Variants in KALRN observed in about 807,000 individuals in gnomAD.
KALRN encodes the protein kalirin.
In KALRN, 70 loss-of-function variants were observed where a neutral mutation model predicts 353.7. That is an observed-to-expected ratio of 0.20 (90% CI 0.16 to 0.24). The LOEUF (loss-of-function observed/expected upper bound fraction) is 0.24. Ranked by LOEUF, KALRN falls within the 10% of genes least tolerant of loss-of-function variation. The probability of loss-of-function intolerance (pLI) is 1.00; values close to 1 mark genes in which losing one functional copy is unlikely to be tolerated. For synonymous variants in KALRN, 1,391 were observed against 1,434.8 expected, an observed-to-expected ratio of 0.97 and a Z score of 0.69; for missense variants, 2,791 against 3,756.7, an observed-to-expected ratio of 0.74 and a Z score of 6.72.
At chr3:124,333,510 G>A (rs1287830360) in intron 8 of KALRN, among the ~76,000 whole-genome samples, 2 of 152,154 alleles carry the variant, frequency 1.3e-5, no homozygotes, top group African/African-American at 4.8e-5. Flanking sequence ...GAAAGAAAGA[G>A]GAGGAGAGGA....
At chr3:124,292,282 G>T (rs1305702107) in intron 5 of KALRN, among the ~76,000 whole-genome samples, 1 of 152,160 alleles carries the variant, frequency 6.6e-6, no homozygotes, top group Non-Finnish European at 1.5e-5. Flanking sequence ...GTTCACAAAG[G>T]ACCTTGCCCT....
At chr3:124,286,963 A>G (rs943570418) in intron 5 of KALRN, among the ~76,000 whole-genome samples, 1 of 152,224 alleles carries the variant, frequency 6.6e-6, no homozygotes, top group African/African-American at 2.4e-5. Flanking sequence ...AATATCTTAA[A>G]GTCTTATTCA....
intron 1 of KALRN, among the ~76,000 whole-genome samples, chr3:124,186,548 T>C (rs2074252074): frequency 6.6e-6 from 1 of 152,232 alleles, no homozygotes; most frequent in Non-Finnish European, 1.5e-5. Context: ...TGAGACCTTG[T>C]CATATATACT....
At chr3:124,082,293 G>C in intron 1 of KALRN, 1 of 471,150 alleles carries the variant, frequency 2.1e-6, no homozygotes, top group Non-Finnish European at 4.4e-6. Context: ...TATCTTTGAT[G>C]TAATCTCCAA....
intron 7 of KALRN, among the ~76,000 whole-genome samples, chr3:124,328,010 A>G (rs1261530141): frequency 1.3e-5 from 2 of 152,248 alleles, no homozygotes; most frequent in African/African-American, 4.8e-5. Flanking sequence ...GAGAGATGGA[A>G]TATGTAAGGT....
At chr3:124,379,751 G>A (rs1162604924) in intron 10 of KALRN, among the ~76,000 whole-genome samples, 1 of 152,218 alleles carries the variant, frequency 6.6e-6, no homozygotes, top group Non-Finnish European at 1.5e-5. Flanking sequence ...CTAGCCTCAG[G>A]TAGTTTCCTC....
intron 34 of KALRN, among the ~76,000 whole-genome samples, chr3:124,605,221 C>T (rs141337834): frequency 0.013 from 2,032 of 150,828 alleles, 42 homozygotes; most frequent in African/African-American, 0.046. Flanking sequence ...TCTGAGATTA[C>T]AGGCATGAGC....
rs982274310 is a variant in KALRN, at chr3:124,201,997, C to T, written c.74-25993C>T. The stretch of plus-strand genomic sequence containing the variant: ...GGCCAGGCTGGGCCAGATGCTGGGG[C>T]GGAGTGGGAAGCACTTCTTGTCACA... On this transcript the variant is annotated intron_variant, in intron 1 of 59. Transcript: ENST00000682506. 4.6e-5 allele frequency among the ~76,000 whole-genome samples: 7 copies of T among 152,132 alleles called. No individual in the cohort carries two copies. The South Asian group carries it at 6.2e-4, about 14-fold the overall frequency.
At chr3:124,308,652 C>T (rs6797486) in intron 6 of KALRN, among the ~76,000 whole-genome samples, 31,109 of 151,570 alleles carry the variant, frequency 0.21, 3,307 homozygotes, top group South Asian at 0.29. Context: ...CCACAACTTA[C>T]GTGATACAGC....
chr3:124,392,806 CTTTAAG>C (rs2089627550), intron 11 of KALRN, among the ~76,000 whole-genome samples: 1 of 150,138 alleles, frequency 6.7e-6, no homozygotes, highest in Non-Finnish European at 1.5e-5. Flanking sequence ...TTTTATTATA[CTTTAAG>C]TTTTAGGGTA....
intron 6 of KALRN, among the ~76,000 whole-genome samples, chr3:124,323,324 G>A (rs1324505672): frequency 2.0e-5 from 3 of 152,126 alleles, no homozygotes; most frequent in African/African-American, 7.2e-5. Context: ...CTACCTCTGT[G>A]GAAGCACTTG....
At chr3:124,123,408 G>A (rs1024813164) in intron 1 of KALRN, among the ~76,000 whole-genome samples, 10 of 152,158 alleles carry the variant, frequency 6.6e-5, no homozygotes, top group African/African-American at 2.4e-4. Context: ...TTAAACCAAA[G>A]CCTAATCCAC....
chr3:124,642,772 T>C (rs930148715), intron 37 of KALRN, among the ~76,000 whole-genome samples: 2 of 143,580 alleles, frequency 1.4e-5, no homozygotes, highest in African/African-American at 2.6e-5. Flanking sequence ...TGGGTTCTTC[T>C]AGCATGCTTC....
In KALRN at chr3:124,531,828, A is replaced by G. The variant is rs569030684; in HGVS notation, c.4936-31015A>G. On this transcript the variant is annotated intron_variant, in intron 33 of 59. Coordinates refer to ENST00000682506, the MANE Select transcript of KALRN (RefSeq NM_001388419.1). ...TTCAACATGAGATTTGGGCAGGGAC[A>G]CAGACTCAAACCATATCAGTCCTAC... is the stretch of plus-strand genomic sequence containing the variant. 4.6e-5 allele frequency among the ~76,000 whole-genome samples: 7 copies of G among 152,332 alleles called. No individual in the cohort carries two copies. In the South Asian group the frequency reaches 1.2e-3, roughly 27 times the overall value.
rs577323992 is a variant in KALRN at position 124,416,229 on chromosome 3, G to T, written c.2542+2564G>T. On this transcript the variant is annotated intron_variant, in intron 14 of 59. Coordinates refer to ENST00000682506, the MANE Select transcript of KALRN (RefSeq NM_001388419.1). ...GAAACCTGCAGCACTTACTACCGGG[G>T]TGCTGATGTGACCCTGGGCAAGCCA... 2.6e-5 allele frequency among the ~76,000 whole-genome samples: 4 copies of T among 152,352 alleles called. No homozygotes were observed. In the South Asian group the frequency reaches 8.3e-4, roughly 32 times the overall value.
At chr3:124,091,318 T>G (rs1308439152) in intron 1 of KALRN, among the ~76,000 whole-genome samples, 5 of 152,200 alleles carry the variant, frequency 3.3e-5, no homozygotes, top group African/African-American at 9.6e-5. Context: ...TGCTACCTCC[T>G]GTATTGCCTT....
chr3:124,565,789 C>A (rs1234017838), intron 34 of KALRN, among the ~76,000 whole-genome samples: 1 of 152,154 alleles, frequency 6.6e-6, no homozygotes, highest in Non-Finnish European at 1.5e-5. Context: ...AGGAGCAAAC[C>A]CAAGGTGGAA....
chr3:124,059,583 A>G (rs2149204648), intron 1 of KALRN, among the ~76,000 whole-genome samples: 1 of 152,286 alleles, frequency 6.6e-6, no homozygotes, highest in South Asian at 2.1e-4. Context: ...CTTTTATTTC[A>G]TTTTTAACAA....
intron 2 of KALRN, 38 bp downstream of exon 2, chr3:124,228,102 G>T: frequency 6.6e-7 from 1 of 1,522,480 alleles, no homozygotes; most frequent in South Asian, 1.1e-5. Context: ...AAAGGACCTA[G>T]AGAAGTTGTG....
Sources: gnomAD v4.1 joint callset for allele counts (sites outside exome capture counted in the v4.1 genomes callset) on GRCh38, gnomAD v4.1.1 for gene constraint, MANE v1.5 for transcripts, NCBI Gene and HGNC (gene_info 2026-07-23, HGNC 2026-07-21) for gene names.